MPDZ: variants seen among roughly 807,000 people sequenced by gnomAD.
MPDZ encodes multiple PDZ domain crumbs cell polarity complex component.
A neutral mutation model predicts 239.1 loss-of-function variants in MPDZ; 234 were observed. That is an observed-to-expected ratio of 0.98 (90% CI 0.88 to 1.09). MPDZ has a LOEUF of 1.09. MPDZ is among the 50% of genes least tolerant of loss of function. The probability of loss-of-function intolerance (pLI) is 0.00; values close to 1 mark genes in which losing one functional copy is unlikely to be tolerated. For synonymous variants in MPDZ, 1,048 were observed against 881.3 expected, an observed-to-expected ratio of 1.19 and a Z score of -3.35; for missense variants, 3,175 against 2,510.0, an observed-to-expected ratio of 1.26 and a Z score of -5.66.
At chr9:13,159,578 C>T (rs1012279333) in intron 23 of MPDZ, among the ~76,000 whole-genome samples, 1 of 152,098 alleles carries the variant, frequency 6.6e-6, no homozygotes, top group Non-Finnish European at 1.5e-5. Flanking sequence ...AGAAGACAGA[C>T]AAGAATTAGA....
chr9:13,271,008 T>C (rs1174804523), intron 1 of MPDZ, among the ~76,000 whole-genome samples: 1 of 152,184 alleles, frequency 6.6e-6, no homozygotes, highest in Non-Finnish European at 1.5e-5. Context: ...AGCATTGGGT[T>C]CAATACTGAA....
chr9:13,238,704 A>G (rs527993964), intron 3 of MPDZ, among the ~76,000 whole-genome samples: 195 of 152,300 alleles, frequency 1.3e-3, no homozygotes, highest in Non-Finnish European at 1.8e-3. Context: ...GGATACCACA[A>G]TTATCTGAAA....
chr9:13,271,829 T>C (rs1973044553), intron 1 of MPDZ, among the ~76,000 whole-genome samples: 1 of 152,198 alleles, frequency 6.6e-6, no homozygotes, highest in Non-Finnish European at 1.5e-5. Flanking sequence ...TACTGAACTA[T>C]GAATACAGGC....
intron 15 of MPDZ, among the ~76,000 whole-genome samples, chr9:13,191,680 G>A (rs1288678725): frequency 6.6e-6 from 1 of 151,948 alleles, no homozygotes; most frequent in African/African-American, 2.4e-5. Context: ...GGCAGAGTTG[G>A]GTAGGTTATT....
At chr9:13,117,530 C>CA (rs373737156) in intron 39 of MPDZ, among the ~76,000 whole-genome samples, 68,995 of 135,042 alleles carry the variant, frequency 0.51, 16,996 homozygotes, top group Middle Eastern at 0.62. Context: ...GACTCCGTCT[C>CA]AAAAAAAAAA....
chr9:13,128,911 C>G (rs1411768378), intron 32 of MPDZ, among the ~76,000 whole-genome samples: 1 of 152,074 alleles, frequency 6.6e-6, no homozygotes, highest in Non-Finnish European at 1.5e-5. Flanking sequence ...GTCACACAGA[C>G]AGGGAAAAAA....
chr9:13,123,115 G>A (rs1313957236), intron 36 of MPDZ, 38 bp downstream of exon 36: 3 of 1,551,612 alleles, frequency 1.9e-6, no homozygotes, highest in Non-Finnish European at 2.6e-6. Context: ...CCTGGCTGAA[G>A]GACGGCCTGT....
At chr9:13,267,678 T>C (rs1972073934) in intron 1 of MPDZ, among the ~76,000 whole-genome samples, 1 of 152,138 alleles carries the variant, frequency 6.6e-6, no homozygotes, top group Admixed American at 6.5e-5. Flanking sequence ...AGAATGTGTT[T>C]GATGTATGGC....
At chr9:13,165,817 CAG>C (rs1951007393) in intron 22 of MPDZ, among the ~76,000 whole-genome samples, 1 of 152,080 alleles carries the variant, frequency 6.6e-6, no homozygotes, top group Admixed American at 6.6e-5. Flanking sequence ...AGAAGTGAAA[CAG>C]AATGCATTCT....
chr9:13,221,451 C>A lies in MPDZ; in HGVS notation c.797G>T (p.Gly266Val), dbSNP rs565842393. The A allele has an allele frequency of 1.9e-6, 3 of 1,611,424 alleles. No homozygotes were observed. Among genetic ancestry groups the A allele is most frequent in the South Asian group, 1.1e-5 (1 of 90,964 alleles). ...TCCTCCTATGATGCCAAATCCCAAA[C>A]CAGATCCATCATTCACCAATTCAAT... ...ETIELVNDGSGLGFGIIGGKA... is the reference protein window; with the variant it reads ...ETIELVNDGSVLGFGIIGGKA... Residue 266 changes from glycine (G) to valine (V), a missense_variant, in exon 7 of 47, where the codon GGT becomes GTT. Coordinates refer to ENST00000319217, the MANE Select transcript of MPDZ (RefSeq NM_001378778.1).
chr9:13,273,691 G>A (rs1973531340), intron 1 of MPDZ, among the ~76,000 whole-genome samples: 1 of 152,082 alleles, frequency 6.6e-6, no homozygotes. Flanking sequence ...GAAAAAAGCA[G>A]AAGTAGGTGA....
intron 23 of MPDZ, among the ~76,000 whole-genome samples, chr9:13,158,404 T>G (rs564486574): frequency 1.3e-5 from 2 of 152,012 alleles, no homozygotes; most frequent in East Asian, 1.9e-4. Flanking sequence ...ATGGGGAAAA[T>G]AGGATAAATA....
At chr9:13,116,444 T>C (rs1256359748) in intron 39 of MPDZ, among the ~76,000 whole-genome samples, 1 of 152,186 alleles carries the variant, frequency 6.6e-6, no homozygotes, top group Non-Finnish European at 1.5e-5. Flanking sequence ...ACTGATATTA[T>C]TATTCAGTGA....
At chr9:13,238,833 TCTG>T (rs1218024175) in intron 3 of MPDZ, among the ~76,000 whole-genome samples, 1 of 152,162 alleles carries the variant, frequency 6.6e-6, no homozygotes, top group Non-Finnish European at 1.5e-5. Flanking sequence ...AATCTAGTAT[TCTG>T]CTATTAAGCT....
At chr9:13,241,257 C>T (rs1296887221) in intron 3 of MPDZ, among the ~76,000 whole-genome samples, 2 of 152,158 alleles carry the variant, frequency 1.3e-5, no homozygotes, top group African/African-American at 4.8e-5. Context: ...ACACTAGAGT[C>T]TCGAGAAATA....
intron 13 of MPDZ, among the ~76,000 whole-genome samples, chr9:13,195,539 T>C (rs760578499): frequency 5.3e-5 from 8 of 152,258 alleles, no homozygotes; most frequent in Admixed American, 6.5e-5. Flanking sequence ...TACCTTAAGA[T>C]TGATAATTTA....
chr9:13,276,284 G>A (rs1030935337), intron 1 of MPDZ, among the ~76,000 whole-genome samples: 2 of 152,154 alleles, frequency 1.3e-5, no homozygotes, highest in African/African-American at 4.8e-5. Flanking sequence ...CCTTTATCGA[G>A]AAGTAGTTAT....
intron 1 of MPDZ, among the ~76,000 whole-genome samples, chr9:13,255,378 C>T (rs1969189296): frequency 6.6e-6 from 1 of 152,162 alleles, no homozygotes; most frequent in African/African-American, 2.4e-5. Flanking sequence ...TTTTGCCTTC[C>T]TCCCATGAAT....
chr9:13,215,954 T>G (rs945288766), intron 10 of MPDZ, among the ~76,000 whole-genome samples: 18 of 146,386 alleles, frequency 1.2e-4, no homozygotes, highest in Non-Finnish European at 7.6e-5. Context: ...TGTTTTTTTT[T>G]TTTTTTTTTT....
Sources: allele counts gnomAD v4.1 joint callset (sites outside exome capture counted in the v4.1 genomes callset), GRCh38; gene constraint gnomAD v4.1.1; transcripts MANE v1.5; gene names NCBI Gene and HGNC (gene_info 2026-07-23, HGNC 2026-07-21).